TENT2: variants seen among roughly 807,000 people sequenced by gnomAD.
TENT2 encodes terminal nucleotidyltransferase 2.
TENT2 carries 44 observed loss-of-function variants against 72.2 expected under a neutral mutation model. The observed-to-expected ratio is 0.61, with a 90% CI of 0.48 to 0.78. The LOEUF (loss-of-function observed/expected upper bound fraction) is 0.78. TENT2 is among the 30% of genes least tolerant of loss of function. TENT2 has a pLI of 0.00. For missense variants in TENT2, 541 were observed against 569.6 expected, an observed-to-expected ratio of 0.95 and a Z score of 0.51; for synonymous variants, 212 against 192.5, an observed-to-expected ratio of 1.10 and a Z score of -0.84.
intron 2 of TENT2, 104 bp from the exon 3 acceptor site, chr5:79,619,890 C>G (rs1292274457): frequency 1.4e-6 from 2 of 1,473,154 alleles, no homozygotes; most frequent in South Asian, 2.6e-5. Flanking sequence ...TATGTCGTCA[C>G]ATTTTTTTTT....
chr5:79,683,545 G>A (rs906911679), intron 14 of TENT2, among the ~76,000 whole-genome samples: 2 of 151,994 alleles, frequency 1.3e-5, no homozygotes, highest in Admixed American at 6.6e-5. Context: ...TAAAATATAA[G>A]TATTCTATTA....
intron 1 of TENT2, among the ~76,000 whole-genome samples, chr5:79,618,452 T>C (rs192362994): frequency 1.3e-5 from 2 of 152,266 alleles, no homozygotes; most frequent in African/African-American, 4.8e-5. Flanking sequence ...CAGGCTAGTC[T>C]TGAACTCCTG....
intron 10 of TENT2, among the ~76,000 whole-genome samples, chr5:79,652,162 C>T (rs922677865): frequency 2.0e-5 from 3 of 151,810 alleles, no homozygotes; most frequent in African/African-American, 7.3e-5. Flanking sequence ...TATGGATGTA[C>T]ATGTAAAGCT....
At chr5:79,659,158 A>T (rs1800137576) in intron 11 of TENT2, among the ~76,000 whole-genome samples, 3 of 151,934 alleles carry the variant, frequency 2.0e-5, no homozygotes. Flanking sequence ...TTTTTGTTTT[A>T]TATGAAACCT....
chr5:79,646,033 A>G (rs559641916), intron 8 of TENT2, among the ~76,000 whole-genome samples: 12 of 152,338 alleles, frequency 7.9e-5, no homozygotes, highest in African/African-American at 2.9e-4. Flanking sequence ...CTGAGATAGA[A>G]TTAGGTGACA....
intron 4 of TENT2, among the ~76,000 whole-genome samples, chr5:79,637,188 G>A (rs1283142439): frequency 2.6e-5 from 4 of 151,738 alleles, no homozygotes; most frequent in Non-Finnish European, 4.4e-5. Context: ...CTGTGATTGC[G>A]ACATTGCACT....
intron 8 of TENT2, among the ~76,000 whole-genome samples, chr5:79,647,012 T>A (rs371378297): frequency 3.9e-5 from 6 of 152,178 alleles, no homozygotes; most frequent in Admixed American, 2.6e-4. Flanking sequence ...CAAGCAATCC[T>A]TCTACCTTAG....
intron 1 of TENT2, among the ~76,000 whole-genome samples, chr5:79,617,217 C>A (rs1336103395): frequency 6.6e-6 from 1 of 151,212 alleles, no homozygotes; most frequent in African/African-American, 2.4e-5. Context: ...TTTGTACCCT[C>A]TTGTCATCCT....
intron 4 of TENT2, among the ~76,000 whole-genome samples, chr5:79,625,424 A>G (rs762075667): frequency 3.3e-5 from 5 of 151,962 alleles, no homozygotes; most frequent in South Asian, 2.1e-4. Context: ...CAGTTTATCT[A>G]TTTTCCTTTG....
intron 11 of TENT2, among the ~76,000 whole-genome samples, chr5:79,660,655 T>C (rs1802100419): frequency 6.6e-6 from 1 of 152,218 alleles, no homozygotes; most frequent in African/African-American, 2.4e-5. Context: ...ACAGACCACA[T>C]ACATGATAGT....
Position 79,627,955 on chromosome 5 carries a change from A to G in TENT2, c.465+4466A>G, listed in dbSNP as rs190773078. Among the ~76,000 whole-genome samples the G allele has an allele frequency of 2.5e-3, 378 of 152,328 alleles. 2 individuals are homozygous for G. Among genetic ancestry groups the G allele is most frequent in the African/African-American group, 8.8e-3 (366 of 41,562 alleles). On this transcript the variant is annotated intron_variant, in intron 4 of 14. Transcript: ENST00000453514. ...GCTATCTCATTTAGTCTTTTCAGCA[A>G]CCCCATGACATGGATATTATCCTAA...
At chr5:79,656,191 A>G (rs970200051) in intron 10 of TENT2, among the ~76,000 whole-genome samples, 1 of 151,740 alleles carries the variant, frequency 6.6e-6, no homozygotes, top group African/African-American at 2.4e-5. Flanking sequence ...TAGGCACTTT[A>G]CCTTTTTATA....
Position 79,640,924 on chromosome 5 carries a change from G to T in TENT2, c.539G>T (p.Cys180Phe), listed in dbSNP as rs1783962297. Residue 180 changes from cysteine (C) to phenylalanine (F), a missense_variant, in exon 5 of 15, where the codon TGT becomes TTT. Coordinates refer to ENST00000453514, the MANE Select transcript of TENT2 (RefSeq NM_001114394.3). ...QISDLKKKEL[C>F]RTQLQREIQL... ...AGTGATTTAAAGAAGAAAGAACTCT[G>T]TCGAACACAGCTGCAGAGAGAAATT... 1 of 1,612,330 alleles carries T rather than the reference G, an allele frequency of 6.2e-7. No homozygotes were observed. The highest frequency in any genetic ancestry group is 1.3e-5 in the African/African-American group (1 of 74,774).
chr5:79,656,511 A>G (rs1798077718), intron 10 of TENT2, among the ~76,000 whole-genome samples: 1 of 152,002 alleles, frequency 6.6e-6, no homozygotes, highest in Non-Finnish European at 1.5e-5. Context: ...TTAAATAATA[A>G]AGGGACAATT....
rs1370147847 is a variant in TENT2 at position 79,612,560 on chromosome 5, C to T, written c.-553C>T. On this transcript the variant is annotated 5_prime_UTR_variant, in exon 1 of 15. Transcript: ENST00000453514. ...CCCAACCTTCTATATCCTTGCAGCCCCTACCTTTTCTTGTGTTGCTCCTCC... is the reference window on the plus strand; with the variant it reads ...CCCAACCTTCTATATCCTTGCAGCCTCTACCTTTTCTTGTGTTGCTCCTCC... 6.5e-6 allele frequency: 1 copy of T among 153,076 alleles called. No individual in the cohort carries two copies. Among genetic ancestry groups the T allele is most frequent in the Admixed American group, 6.5e-5 (1 of 15,296 alleles). The allele number at this position is 153,076 out of a possible 1,614,324, so 9.5% of individuals were successfully genotyped here. A position where few individuals can be genotyped will look rare whatever the true frequency, so the allele number is the denominator to read the frequency against.
intron 4 of TENT2, among the ~76,000 whole-genome samples, chr5:79,638,928 G>A (rs1782311265): frequency 6.6e-6 from 1 of 152,172 alleles, no homozygotes; most frequent in South Asian, 2.1e-4. Flanking sequence ...TTCTTAAAAT[G>A]AGGATTCTAA....
At chr5:79,642,721 C>A in intron 6 of TENT2, 111 bp from the exon 7 acceptor site, 1 of 799,610 alleles carries the variant, frequency 1.3e-6, no homozygotes, top group Non-Finnish European at 1.9e-6. Flanking sequence ...TGAAAAATAA[C>A]TCCAAAGGAA....
chr5:79,639,951 G>A (rs1471802178), intron 4 of TENT2, among the ~76,000 whole-genome samples: 1 of 152,058 alleles, frequency 6.6e-6, no homozygotes, highest in Non-Finnish European at 1.5e-5. Flanking sequence ...GTGTGAACCA[G>A]ATCAGTAGAT....
chr5:79,657,013 T>C lies in TENT2; in HGVS notation c.1071+12T>C. The C allele has an allele frequency of 6.7e-7, 1 of 1,500,408 alleles. No individual in the cohort carries two copies. Among genetic ancestry groups the C allele is most frequent in the Non-Finnish European group, 9.3e-7 (1 of 1,079,824 alleles). 92.9% of individuals were successfully genotyped at this position (1,500,408 alleles called of 1,614,324 possible). ...AAAAAATTTACCCAGTAAGTGTTTC[T>C]TATAAATTATTATAATACATTTTAT... is the stretch of plus-strand genomic sequence containing the variant. On this transcript the variant is annotated intron_variant, in intron 11 of 14. Transcript: ENST00000453514.
Sources: gnomAD v4.1 joint callset for allele counts (sites outside exome capture counted in the v4.1 genomes callset) on GRCh38, gnomAD v4.1.1 for gene constraint, MANE v1.5 for transcripts, NCBI Gene and HGNC (gene_info 2026-07-23, HGNC 2026-07-21) for gene names.